Variants in PACRG observed in about 807,000 individuals in gnomAD.
PACRG encodes the protein parkin coregulated gene protein.
PACRG carries 29 observed loss-of-function variants against 29.7 expected under a neutral mutation model. That is an observed-to-expected ratio of 0.98 (90% CI 0.73 to 1.33). The LOEUF (loss-of-function observed/expected upper bound fraction) is 1.33, where lower values mean the gene tolerates loss of function less well. PACRG is among the 40% of genes most tolerant of loss of function. PACRG has a pLI of 0.00. For missense variants in PACRG, 279 were observed against 316.2 expected, an observed-to-expected ratio of 0.88 and a Z score of 0.89; for synonymous variants, 116 against 118.7, an observed-to-expected ratio of 0.98 and a Z score of 0.15.
At chr6:163,153,900 C>T (rs1020982275) in intron 4 of PACRG, among the ~76,000 whole-genome samples, 1 of 152,146 alleles carries the variant, frequency 6.6e-6, no homozygotes, top group African/African-American at 2.4e-5. Context: ...ATGTAAGGCT[C>T]TGTGGGGTGA....
chr6:162,936,352 A>G (rs1177924450), intron 2 of PACRG, among the ~76,000 whole-genome samples: 1 of 152,212 alleles, frequency 6.6e-6, no homozygotes, highest in Non-Finnish European at 1.5e-5. Flanking sequence ...TGCCATAAGT[A>G]GAATCTCAAG....
intron 2 of PACRG, among the ~76,000 whole-genome samples, chr6:163,020,600 T>A (rs896303282): frequency 3.9e-5 from 6 of 152,208 alleles, no homozygotes; most frequent in African/African-American, 1.4e-4. Context: ...AGCGTTCGCA[T>A]CATGGTGCTG....
At chr6:162,968,614 A>G (rs935548956) in intron 2 of PACRG, among the ~76,000 whole-genome samples, 1 of 152,206 alleles carries the variant, frequency 6.6e-6, no homozygotes, top group Non-Finnish European at 1.5e-5. Flanking sequence ...TTCCAGCGTG[A>G]CAGAAGCCTA....
intron 2 of PACRG, among the ~76,000 whole-genome samples, chr6:162,910,315 G>A (rs1034325191): frequency 2.6e-5 from 4 of 152,172 alleles, no homozygotes; most frequent in Non-Finnish European, 5.9e-5. Context: ...CACAGTTTCA[G>A]CTGCACTGAG....
At chr6:163,046,152 A>G (rs1809346691) in intron 2 of PACRG, among the ~76,000 whole-genome samples, 1 of 151,316 alleles carries the variant, frequency 6.6e-6, no homozygotes, top group South Asian at 2.1e-4. Context: ...CTGTATCTTG[A>G]CTATGCTGTG....
intron 2 of PACRG, among the ~76,000 whole-genome samples, chr6:162,904,857 G>A (rs772944757): frequency 1.4e-4 from 21 of 152,190 alleles, no homozygotes; most frequent in Non-Finnish European, 3.1e-4. Context: ...AGGAGTGGCC[G>A]ACTATCTTTG....
At chr6:162,765,394 C>T (rs1040168999) in intron 1 of PACRG, among the ~76,000 whole-genome samples, 13 of 152,186 alleles carry the variant, frequency 8.5e-5, no homozygotes, top group African/African-American at 2.4e-4. Flanking sequence ...CCCCTTTCCT[C>T]GCCCCCAACT....
At chr6:162,815,609 T>C (rs1175200626) in intron 2 of PACRG, among the ~76,000 whole-genome samples, 4 of 151,800 alleles carry the variant, frequency 2.6e-5, no homozygotes, top group Non-Finnish European at 4.4e-5. Flanking sequence ...TTTATAATAG[T>C]GTCTGTTAGA....
chr6:163,203,050 A>T (rs1780771393), intron 4 of PACRG, among the ~76,000 whole-genome samples: 1 of 152,132 alleles, frequency 6.6e-6, no homozygotes, highest in South Asian at 2.1e-4. Flanking sequence ...GAATAGGTAC[A>T]TCGGGCCGTT....
chr6:163,237,231 GT>G (rs1007456938), intron 4 of PACRG, among the ~76,000 whole-genome samples: 1 of 151,788 alleles, frequency 6.6e-6, no homozygotes, highest in African/African-American at 2.4e-5. Flanking sequence ...GGTGGGTGGG[GT>G]TTTTTTGGCA....
intron 2 of PACRG, among the ~76,000 whole-genome samples, chr6:163,002,705 A>T (rs989096327): frequency 5.9e-5 from 9 of 152,228 alleles, no homozygotes; most frequent in East Asian, 1.9e-4. Context: ...ACAAATGACT[A>T]GAGGAAAAGA....
intron 4 of PACRG, among the ~76,000 whole-genome samples, chr6:163,104,813 G>T (rs58475532): frequency 2.6e-5 from 4 of 151,998 alleles, no homozygotes; most frequent in African/African-American, 9.7e-5. Flanking sequence ...AATATAATAG[G>T]TAAACACATT....
chr6:162,989,263 C>T (rs918821581), intron 2 of PACRG, among the ~76,000 whole-genome samples: 2 of 152,132 alleles, frequency 1.3e-5, no homozygotes, highest in Non-Finnish European at 2.9e-5. Context: ...GGAGGAGAAA[C>T]AGGGTCAGAA....
At chr6:162,825,432 T>C (rs1031560252) in intron 2 of PACRG, among the ~76,000 whole-genome samples, 3 of 152,212 alleles carry the variant, frequency 2.0e-5, no homozygotes, top group Non-Finnish European at 2.9e-5. Context: ...TTTAATTCAC[T>C]GTGTGTTGTA....
At position 163,228,609 on chromosome 6, in the gene PACRG, T is replaced by C. The variant is rs1360389994; in HGVS notation, c.614-86218T>C. 3.3e-5 allele frequency among the ~76,000 whole-genome samples: 5 copies of C among 152,252 alleles called. 1 individual carries two copies. Among genetic ancestry groups the C allele is most frequent in the African/African-American group, 1.2e-4 (5 of 41,530 alleles). ...ATTCCTTTTTATGGAAAAAGTACAG[T>C]CACTTTTTTAAAACTTTCGGCAATA... On this transcript the variant is annotated intron_variant, in intron 4 of 4. Transcript: ENST00000366888.
intron 4 of PACRG, among the ~76,000 whole-genome samples, chr6:163,096,003 T>A (rs579172): frequency 0.41 from 62,911 of 152,048 alleles, 15,688 homozygotes; most frequent in African/African-American, 0.7. Flanking sequence ...GTAACTAGTG[T>A]TACTGAGCCT....
rs570725581 is a variant in PACRG at position 163,244,690 on chromosome 6, G to A, written c.614-70137G>A. Among the ~76,000 whole-genome samples the A allele has an allele frequency of 3.8e-4, 58 of 152,234 alleles. 2 individuals are homozygous for A. In the South Asian group the frequency reaches 0.012, roughly 32 times the overall value. On this transcript the variant is annotated intron_variant, in intron 4 of 4. Transcript: ENST00000366888. ...GAAACATTGCTTCATTTCTCAATAC[G>A]TCTGTCCTCCGAAGGCACCAACTCA... is the stretch of plus-strand genomic sequence containing the variant.
At chr6:163,210,264 C>G (rs1285762682) in intron 4 of PACRG, among the ~76,000 whole-genome samples, 1 of 152,186 alleles carries the variant, frequency 6.6e-6, no homozygotes, top group Non-Finnish European at 1.5e-5. Context: ...CCTTCTAAAG[C>G]ATTTATAGAA....
At chr6:163,297,021 G>A (rs184479687) in intron 4 of PACRG, among the ~76,000 whole-genome samples, 9 of 152,258 alleles carry the variant, frequency 5.9e-5, no homozygotes, top group East Asian at 5.8e-4. Flanking sequence ...GTCAATTGTC[G>A]ATCTGATTTT....
Sources: allele counts gnomAD v4.1 joint callset (sites outside exome capture counted in the v4.1 genomes callset), GRCh38; gene constraint gnomAD v4.1.1; transcripts MANE v1.5; gene names NCBI Gene and HGNC (gene_info 2026-07-23, HGNC 2026-07-21).